The following CFAP61 variants were observed in gnomAD, a reference collection of about 807,000 sequenced individuals.
CFAP61 encodes cilia and flagella associated protein 61, also known as cilia- and flagella-associated protein 61.
Under a neutral mutation model 135.6 loss-of-function variants are expected in CFAP61, and 107 were observed. That is an observed-to-expected ratio of 0.79 (90% confidence interval 0.67 to 0.93). CFAP61 has a LOEUF of 0.93. Ranked by LOEUF, CFAP61 falls within the 40% of genes least tolerant of loss-of-function variation. The pLI is 0.00. For synonymous variants in CFAP61, 575 were observed against 578.5 expected, an observed-to-expected ratio of 0.99 and a Z score of 0.09; for missense variants, 1,507 against 1,556.2, an observed-to-expected ratio of 0.97 and a Z score of 0.53.
chr20:20,355,035 T>TGTGA (rs779033009), intron 26 of CFAP61, among the ~76,000 whole-genome samples: 2 of 69,270 alleles, frequency 2.9e-5, no homozygotes, highest in Non-Finnish European at 5.8e-5. Flanking sequence ...GTGATCACAC[T>TGTGA]GAGGGGAGGT....
At chr20:20,079,102 T>C (rs1206390393) in intron 6 of CFAP61, among the ~76,000 whole-genome samples, 2 of 152,230 alleles carry the variant, frequency 1.3e-5, no homozygotes, top group Non-Finnish European at 2.9e-5. Context: ...AGATGAACTT[T>C]GGGTGAGAGG....
chr20:20,358,067 G>T (rs1278048201), intron 26 of CFAP61, among the ~76,000 whole-genome samples: 1 of 144,616 alleles, frequency 6.9e-6, no homozygotes, highest in African/African-American at 2.6e-5. Flanking sequence ...AGGGGAGGTG[G>T]TCACACTGAG....
chr20:20,277,398 A>G lies in CFAP61; in HGVS notation c.2736A>G (p.Pro912=). The change falls in exon 22 of 27, where the codon CCA becomes CCG. Residue 912 remains proline, a synonymous_variant. Transcript: ENST00000245957. ...ILAQWNDGLH[P]DPIYSASFTT... ...CCCAGTGGAATGACGGCCTGCACCCAGACCCCATCTACAGCGCCTCCTTCA... is the reference window on the plus strand; with the variant it reads ...CCCAGTGGAATGACGGCCTGCACCCGGACCCCATCTACAGCGCCTCCTTCA... 1 of 1,614,142 alleles carries G rather than the reference A, an allele frequency of 6.2e-7. No homozygotes were observed. Among genetic ancestry groups the G allele is most frequent in the Non-Finnish European group, 8.5e-7 (1 of 1,179,998 alleles).
Position 20,192,389 on chromosome 20 carries a change from G to A in CFAP61, c.1590+970G>A, listed in dbSNP as rs1394757866. On this transcript the variant is annotated intron_variant, in intron 15 of 26. Coordinates refer to ENST00000245957, the MANE Select transcript of CFAP61 (RefSeq NM_015585.4). Reference sequence around the variant, plus strand: ...CTGACTGATGGGCACAGCATTATGGGTACCTTTGCCTTTTGGCTGCCCGTT... The same window carrying A: ...CTGACTGATGGGCACAGCATTATGGATACCTTTGCCTTTTGGCTGCCCGTT... Among the ~76,000 whole-genome samples the A allele has an allele frequency of 3.3e-5, 5 of 152,196 alleles. No individual in the cohort carries two copies. The East Asian group carries it at 7.7e-4, about 23-fold the overall frequency.
chr20:20,313,752 C>T (rs770684713), intron 25 of CFAP61, among the ~76,000 whole-genome samples: 3 of 152,096 alleles, frequency 2.0e-5, no homozygotes, highest in Non-Finnish European at 2.9e-5. Flanking sequence ...TTTGTAAAGA[C>T]GAGGTTTATT....
At chr20:20,162,312 AC>A (rs2053471753) in intron 10 of CFAP61, among the ~76,000 whole-genome samples, 1 of 152,166 alleles carries the variant, frequency 6.6e-6, no homozygotes. Context: ...CTGAAAGATA[AC>A]ATATTTACAG....
intron 24 of CFAP61, among the ~76,000 whole-genome samples, chr20:20,291,607 C>T (rs2046941857): frequency 6.6e-6 from 1 of 152,194 alleles, no homozygotes. Context: ...ACCTGTGATG[C>T]ATCGATAGAT....
intron 22 of CFAP61, among the ~76,000 whole-genome samples, chr20:20,287,176 AG>A (rs2054643705): frequency 6.6e-6 from 1 of 152,168 alleles, no homozygotes; most frequent in Non-Finnish European, 1.5e-5. Flanking sequence ...CCACTGGGTA[AG>A]AGTTATAAGA....
chr20:20,272,978 C>T (rs1056730693), intron 21 of CFAP61, among the ~76,000 whole-genome samples: 4 of 151,808 alleles, frequency 2.6e-5, no homozygotes, highest in African/African-American at 2.4e-5. Flanking sequence ...CAAACTTCTA[C>T]AAATTCCCAG....
chr20:20,318,223 A>G (rs2057251832), intron 25 of CFAP61, among the ~76,000 whole-genome samples: 1 of 152,134 alleles, frequency 6.6e-6, no homozygotes, highest in African/African-American at 2.4e-5. Flanking sequence ...TTTTCCAATT[A>G]TGTGTTGGAT....
At chr20:20,193,334 T>C (rs541727015) in intron 15 of CFAP61, among the ~76,000 whole-genome samples, 1 of 152,276 alleles carries the variant, frequency 6.6e-6, no homozygotes, top group Non-Finnish European at 1.5e-5. Flanking sequence ...TTCTATCTTA[T>C]TAAAAGTTTT....
intron 8 of CFAP61, among the ~76,000 whole-genome samples, chr20:20,112,652 A>G (rs533802719): frequency 1.4e-4 from 21 of 152,208 alleles, no homozygotes; most frequent in African/African-American, 5.1e-4. Flanking sequence ...GAGGGAGTCA[A>G]TGGAAGCCGT....
chr20:20,137,520 G>A (rs968858678), intron 8 of CFAP61, among the ~76,000 whole-genome samples: 4 of 152,118 alleles, frequency 2.6e-5, no homozygotes, highest in Non-Finnish European at 4.4e-5. Flanking sequence ...CTCTCCCCAT[G>A]TCCACCACCA....
chr20:20,219,213 G>A (rs1168961116), intron 17 of CFAP61, among the ~76,000 whole-genome samples: 1 of 152,110 alleles, frequency 6.6e-6, no homozygotes, highest in Non-Finnish European at 1.5e-5. Flanking sequence ...GCTCCTTTCT[G>A]TTTTGTAGGT....
chr20:20,257,733 T>C (rs1007767173), intron 20 of CFAP61, among the ~76,000 whole-genome samples: 14 of 151,244 alleles, frequency 9.3e-5, no homozygotes, highest in Non-Finnish European at 1.5e-4. Context: ...ATCTAAATAA[T>C]TGTTGTAAAT....
Position 20,196,573 on chromosome 20 carries a change from A to G in CFAP61, c.1594A>G (p.Ile532Val), listed in dbSNP as rs2056304355. 2.5e-6 allele frequency: 4 copies of G among 1,611,038 alleles called. No homozygotes were observed. Among genetic ancestry groups the G allele is most frequent in the Non-Finnish European group, 3.4e-6 (4 of 1,177,142 alleles). The change falls in exon 16 of 27, where the codon ATT (isoleucine) becomes GTT (valine). Residue 532 changes from isoleucine (I) to valine (V), a missense_variant. Coordinates refer to ENST00000245957, the MANE Select transcript of CFAP61 (RefSeq NM_015585.4). ...GIAVIRNEMD[I>V]EYIRSHYNIE... is the part of the protein sequence containing the mutation. ...ATCCCTTCTGTCTCTTCTGTAGGAC[A>G]TTGAGTACATACGGTCCCATTACAA...
rs754469598 is a variant in CFAP61 at position 20,246,154 on chromosome 20, A to C, written c.2098A>C (p.Thr700Pro). The C allele has an allele frequency of 1.2e-6, 2 of 1,613,320 alleles. No individual in the cohort carries two copies. Among genetic ancestry groups the C allele is most frequent in the Non-Finnish European group, 8.5e-7 (1 of 1,179,350 alleles). Reference protein sequence around the residue: ...MKFNNLTLISTHGLPGKKLLD... With the variant: ...MKFNNLTLISPHGLPGKKLLD... Reference sequence around the variant, plus strand: ...GTTTAATAATCTTACCCTGATTTCAACTCATGGACTCCCAGGAAAAAAACT... The same window carrying C: ...GTTTAATAATCTTACCCTGATTTCACCTCATGGACTCCCAGGAAAAAAACT... Residue 700 changes from threonine to proline, a missense_variant, in exon 19 of 27, where the codon ACT (threonine) becomes CCT (proline). Physicochemically the swap from Thr to Pro is conservative, Grantham distance 38 (BLOSUM62 -1). Coordinates refer to ENST00000245957, the MANE Select transcript of CFAP61 (RefSeq NM_015585.4).
chr20:20,298,484 G>A (rs1317737425), intron 25 of CFAP61, 98 bp downstream of exon 25: 15 of 989,644 alleles, frequency 1.5e-5, no homozygotes, highest in East Asian at 2.6e-5. Context: ...AGAGCAAAAC[G>A]GGAATCCCAG....
At chr20:20,227,110 C>T (rs1462253644) in intron 17 of CFAP61, among the ~76,000 whole-genome samples, 1 of 151,822 alleles carries the variant, frequency 6.6e-6, no homozygotes, top group African/African-American at 2.4e-5. Flanking sequence ...TGGCAAAGCG[C>T]ATGGCCACAC....
Sources: allele counts gnomAD v4.1 joint callset (sites outside exome capture counted in the v4.1 genomes callset), GRCh38; gene constraint gnomAD v4.1.1; transcripts MANE v1.5; gene names NCBI Gene and HGNC (gene_info 2026-07-23, HGNC 2026-07-21).